Variants in NAALADL2 observed in about 807,000 individuals in gnomAD.
NAALADL2 encodes inactive N-acetylated-alpha-linked acidic dipeptidase-like protein 2.
Under a neutral mutation model 87.2 loss-of-function variants are expected in NAALADL2, and 76 were observed. That is an observed-to-expected ratio of 0.87 (90% CI 0.72 to 1.05). NAALADL2 has a LOEUF of 1.05. NAALADL2 is among the 50% of genes least tolerant of loss of function. NAALADL2 has a pLI of 0.00. For synonymous variants in NAALADL2, 354 were observed against 331.0 expected (o/e 1.07, Z -0.75); for missense variants, 1,089 against 945.8 (o/e 1.15, Z -1.99).
chr3:174,798,423 T>G (rs1718402185), intron 3 of NAALADL2, among the ~76,000 whole-genome samples: 1 of 152,152 alleles, frequency 6.6e-6, no homozygotes, highest in Non-Finnish European at 1.5e-5. Flanking sequence ...TGTATTGAAG[T>G]TCCATATGAA....
At chr3:175,101,445 TAGA>T (rs1465439972) in intron 2 of NAALADL2, among the ~76,000 whole-genome samples, 1 of 152,218 alleles carries the variant, frequency 6.6e-6, no homozygotes, top group Non-Finnish European at 1.5e-5. Context: ...CTCTTTAACT[TAGA>T]AGAAGCTTGA....
chr3:175,795,719 AAAAG>A (rs139524895), intron 13 of NAALADL2, among the ~76,000 whole-genome samples: 5,250 of 150,084 alleles, frequency 0.035, 314 homozygotes, highest in African/African-American at 0.13. Context: ...AAATAAATAA[AAAAG>A]AACAGATTCT....
chr3:174,850,541 A>C (rs1446888814), intron 3 of NAALADL2, among the ~76,000 whole-genome samples: 2 of 152,224 alleles, frequency 1.3e-5, no homozygotes, highest in African/African-American at 4.8e-5. Flanking sequence ...TCATATAATG[A>C]TAAATAGGTA....
intron 5 of NAALADL2, among the ~76,000 whole-genome samples, chr3:175,366,429 G>A (rs1029842511): frequency 4.6e-5 from 7 of 151,694 alleles, no homozygotes; most frequent in East Asian, 1.9e-4. Flanking sequence ...CTGAGAAATC[G>A]CCACACTGAC....
rs190195450 is a variant in NAALADL2, at chr3:174,445,682, T to C, written c.-184+4650T>C. Among the ~76,000 whole-genome samples the C allele has an allele frequency of 2.7e-4, 41 of 152,256 alleles. No homozygotes were observed. In the Middle Eastern group the frequency reaches 0.014, roughly 51 times the overall value. On this transcript the variant is annotated intron_variant, in intron 1 of 3. Transcript: ENST00000434257. ...ACATATGATGTAACTATAAAGTTGA[T>C]GTGATTTATATGTGGTTTATTAAAA...
intron 5 of NAALADL2, among the ~76,000 whole-genome samples, chr3:175,326,179 C>T (rs1022464327): frequency 1.3e-5 from 2 of 152,240 alleles, no homozygotes; most frequent in Non-Finnish European, 2.9e-5. Flanking sequence ...ACGGCATGGA[C>T]ACAATTCAGT....
intron 1 of NAALADL2, among the ~76,000 whole-genome samples, chr3:174,960,634 A>G (rs140319182): frequency 1.1e-4 from 17 of 152,154 alleles, no homozygotes; most frequent in Non-Finnish European, 1.5e-4. Context: ...GGATAATATA[A>G]TAGCCTGTGT....
intron 5 of NAALADL2, among the ~76,000 whole-genome samples, chr3:175,376,144 A>G (rs967908766): frequency 6.6e-5 from 10 of 152,138 alleles, no homozygotes; most frequent in Non-Finnish European, 1.5e-4. Flanking sequence ...ACAGCCAACT[A>G]TCTTTTAAAG....
intron 1 of NAALADL2, among the ~76,000 whole-genome samples, chr3:175,021,959 G>C (rs1426757884): frequency 6.6e-6 from 1 of 152,006 alleles, no homozygotes; most frequent in East Asian, 1.9e-4. Context: ...GGGACTGGGA[G>C]TTACTCATGA....
chr3:175,685,120 A>C (rs1736094715), intron 11 of NAALADL2, among the ~76,000 whole-genome samples: 1 of 152,130 alleles, frequency 6.6e-6, no homozygotes, highest in South Asian at 2.1e-4. Flanking sequence ...TTGTTCAGCA[A>C]TTATGTATTA....
chr3:175,409,161 TC>T (rs1712986549), intron 5 of NAALADL2, among the ~76,000 whole-genome samples: 1 of 151,890 alleles, frequency 6.6e-6, no homozygotes, highest in African/African-American at 2.4e-5. Context: ...ATTCTGAATA[TC>T]AACCTTATAT....
At chr3:175,424,259 T>C (rs1482885043) in intron 5 of NAALADL2, among the ~76,000 whole-genome samples, 1 of 152,218 alleles carries the variant, frequency 6.6e-6, no homozygotes, top group Non-Finnish European at 1.5e-5. Flanking sequence ...GCTCTTTAGC[T>C]TAATTAGATC....
intron 3 of NAALADL2, among the ~76,000 whole-genome samples, chr3:174,819,821 A>C (rs1560256108): frequency 6.6e-6 from 1 of 152,224 alleles, no homozygotes; most frequent in Non-Finnish European, 1.5e-5. Context: ...TTACGCTTCA[A>C]GACTCGTGTT....
chr3:174,995,970 G>T (rs1579927475), intron 1 of NAALADL2, among the ~76,000 whole-genome samples: 1 of 152,180 alleles, frequency 6.6e-6, no homozygotes, highest in African/African-American at 2.4e-5. Flanking sequence ...GATAAGGAGA[G>T]TCAGGAAATC....
chr3:175,448,665 G>C (rs561861873), intron 6 of NAALADL2, among the ~76,000 whole-genome samples: 35 of 152,054 alleles, frequency 2.3e-4, no homozygotes, highest in Non-Finnish European at 3.8e-4. Context: ...ATCAAAGTAT[G>C]ATATGTGTAT....
At chr3:175,306,081 A>G (rs1487726261) in intron 4 of NAALADL2, among the ~76,000 whole-genome samples, 2 of 151,984 alleles carry the variant, frequency 1.3e-5, no homozygotes, top group African/African-American at 4.8e-5. Flanking sequence ...GTAAAAATGT[A>G]TATGTTTTAT....
chr3:175,029,710 G>A (rs553084004), intron 1 of NAALADL2, among the ~76,000 whole-genome samples: 1 of 151,962 alleles, frequency 6.6e-6, no homozygotes, highest in East Asian at 1.9e-4. Flanking sequence ...TGTCACTATA[G>A]GCAAAGAGAA....
intron 5 of NAALADL2, among the ~76,000 whole-genome samples, chr3:175,423,019 A>G (rs1166085622): frequency 7.4e-5 from 3 of 40,468 alleles, no homozygotes; most frequent in Non-Finnish European, 4.5e-5. Context: ...GGTCCTTAAG[A>G]AAAAAAAAAA....
intron 13 of NAALADL2, among the ~76,000 whole-genome samples, chr3:175,774,465 A>G (rs1372779445): frequency 6.6e-6 from 1 of 152,060 alleles, no homozygotes; most frequent in African/African-American, 2.4e-5. Context: ...TACCTGGCTT[A>G]TTCCTACTAC....
Sources: gnomAD v4.1 joint callset for allele counts (sites outside exome capture counted in the v4.1 genomes callset) on GRCh38, gnomAD v4.1.1 for gene constraint, MANE v1.5 for transcripts, NCBI Gene and HGNC (gene_info 2026-07-23, HGNC 2026-07-21) for gene names.